Variants in SKI observed in about 807,000 individuals in gnomAD.
The protein encoded by SKI is ski oncogene.
In SKI, 23 loss-of-function variants were observed where a neutral mutation model predicts 59.3. The ratio of observed to expected loss-of-function variants is 0.39; its 90% CI spans 0.28 to 0.55. SKI has a LOEUF of 0.55. Among genes scored for constraint, SKI ranks in the 20% least tolerant of loss-of-function variants. SKI has a pLI of 0.67. For missense variants in SKI, 1,017 were observed against 1,038.9 expected, an observed-to-expected ratio of 0.98 and a Z score of 0.29; for synonymous variants, 673 against 488.6, an observed-to-expected ratio of 1.38 and a Z score of -4.98.
chr1:2,283,682 C>T (rs6678490), intron 1 of SKI, among the ~76,000 whole-genome samples: 26,305 of 152,186 alleles, frequency 0.17, 2,544 homozygotes, highest in African/African-American at 0.25. Flanking sequence ...AGCTGCCCCT[C>T]AAGTGCATGT....
At chr1:2,260,559 GAGAC>G (rs1639367892) in intron 1 of SKI, among the ~76,000 whole-genome samples, 1 of 7,760 alleles carries the variant, frequency 1.3e-4, no homozygotes, top group African/African-American at 5.1e-4. Context: ...TTTTTTTTTT[GAGAC>G]AGGGTGTGGT....
At chr1:2,234,863 C>T (rs1313969323) in intron 1 of SKI, among the ~76,000 whole-genome samples, 6 of 152,128 alleles carry the variant, frequency 3.9e-5, no homozygotes, top group African/African-American at 1.4e-4. Flanking sequence ...GGCCCCTGTC[C>T]TTATTCTTCA....
chr1:2,274,107 C>T (rs1396414673), intron 1 of SKI, among the ~76,000 whole-genome samples: 4 of 151,488 alleles, frequency 2.6e-5, no homozygotes, highest in Admixed American at 2.6e-4. Context: ...ACAGGCACCT[C>T]CAGGTAAGGG....
chr1:2,273,522 C>T (rs758287418), intron 1 of SKI, among the ~76,000 whole-genome samples: 4 of 152,194 alleles, frequency 2.6e-5, no homozygotes, highest in Non-Finnish European at 5.9e-5. Context: ...GGCCCTGCCT[C>T]TGTTACTGAG....
chr1:2,273,296 G>C (rs1286105388), intron 1 of SKI, among the ~76,000 whole-genome samples: 2 of 152,124 alleles, frequency 1.3e-5, no homozygotes, highest in Non-Finnish European at 2.9e-5. Flanking sequence ...CCCTGTCCTG[G>C]CCGGCCACTC....
At chr1:2,260,531 T>TTTTC (rs1416977825) in intron 1 of SKI, among the ~76,000 whole-genome samples, 21 of 122,382 alleles carry the variant, frequency 1.7e-4, no homozygotes, top group Non-Finnish European at 1.8e-4. Context: ...AGTTTGTTCT[T>TTTTC]TTTCTTTTTT....
At chr1:2,251,592 C>G (rs1471629149) in intron 1 of SKI, among the ~76,000 whole-genome samples, 4 of 152,154 alleles carry the variant, frequency 2.6e-5, no homozygotes, top group African/African-American at 9.7e-5. Flanking sequence ...CCTCCTTTCC[C>G]TGTAGAGCCC....
At position 2,304,475 on chromosome 1, in the gene SKI, C is replaced by G; in HGVS notation, c.1657C>G (p.Leu553Val). The G allele has an allele frequency of 6.3e-7, 1 of 1,574,944 alleles. No homozygotes were observed. The highest frequency in any genetic ancestry group is 2.4e-5 in the East Asian group (1 of 42,154). The change falls in exon 5 of 7, where the codon CTG (leucine) becomes GTG (valine). Residue 553 changes from leucine (L) to valine (V), a missense_variant. By Grantham distance (32) the Leu-to-Val change is conservative. Coordinates refer to ENST00000378536, the MANE Select transcript of SKI (RefSeq NM_003036.4). ...CCTGCGGCAGGCACTGGAGGGCGGC[C>G]TGGACACCAAGGAAGCCAAAGAGAA... ...EHLRQALEGGLDTKEAKEKFL... is the reference protein window; with the variant it reads ...EHLRQALEGGVDTKEAKEKFL...
chr1:2,282,853 C>T (rs1367831497), intron 1 of SKI, among the ~76,000 whole-genome samples: 3 of 152,240 alleles, frequency 2.0e-5, no homozygotes, highest in Non-Finnish European at 4.4e-5. Context: ...GGTTCTCAGC[C>T]TCCGACCTGT....
rs1445297648 is a variant in SKI at position 2,267,071 on chromosome 1, C to T, written c.970-35907C>T. Among the ~76,000 whole-genome samples the T allele has an allele frequency of 4.6e-5, 7 of 152,170 alleles. No homozygotes were observed. The highest frequency in any genetic ancestry group is 2.1e-4 in the South Asian group (1 of 4,826). ...GCAATAATTTTGGCTACATTAAATT[C>T]GTTTTGTTAACATCTTCATCACCGC... On this transcript the variant is annotated intron_variant, in intron 1 of 6. Coordinates refer to ENST00000378536, the MANE Select transcript of SKI (RefSeq NM_003036.4). The surrounding 1 kb of genome is among the most constrained non-coding windows in gnomAD (Gnocchi z 4.1).
intron 1 of SKI, among the ~76,000 whole-genome samples, chr1:2,297,944 G>GGCTGT (rs1640325195): frequency 6.6e-6 from 1 of 152,238 alleles, no homozygotes; most frequent in Non-Finnish European, 1.5e-5. Flanking sequence ...TTGCAGGGTG[G>GGCTGT]GCTGTGCTGT....
intron 1 of SKI, among the ~76,000 whole-genome samples, chr1:2,251,951 C>T (rs1168938912): frequency 6.6e-6 from 1 of 152,184 alleles, no homozygotes; most frequent in Non-Finnish European, 1.5e-5. Flanking sequence ...CCCCAGCTGT[C>T]ATGTCCGTTG....
chr1:2,299,221 C>T (rs770449249), intron 1 of SKI, among the ~76,000 whole-genome samples: 10 of 150,700 alleles, frequency 6.6e-5, no homozygotes, highest in African/African-American at 2.2e-4. Flanking sequence ...GGCATCAGCT[C>T]GGGGACCCGA....
At chr1:2,305,897 G>T in intron 5 of SKI, 123 bp from the exon 6 acceptor site, 1 of 801,868 alleles carries the variant, frequency 1.2e-6, no homozygotes, top group Non-Finnish European at 2.1e-6. Context: ...CGCGCTGGGG[G>T]CGGGGCTCCA....
intron 1 of SKI, among the ~76,000 whole-genome samples, chr1:2,260,141 A>G (rs936872993): frequency 2.0e-5 from 3 of 152,218 alleles, no homozygotes; most frequent in Non-Finnish European, 4.4e-5. Flanking sequence ...AGTGAGTGAG[A>G]GTTCCTGCTG....
At chr1:2,286,163 C>T (rs562235754) in intron 1 of SKI, among the ~76,000 whole-genome samples, 3 of 152,322 alleles carry the variant, frequency 2.0e-5, no homozygotes, top group East Asian at 1.9e-4. Context: ...TGGGCCACCA[C>T]GCCCAGCCTA....
chr1:2,276,506 C>G (rs978307121), intron 1 of SKI, among the ~76,000 whole-genome samples: 3 of 152,262 alleles, frequency 2.0e-5, no homozygotes, highest in Non-Finnish European at 4.4e-5. Flanking sequence ...GTAGGGCCCC[C>G]TGTCTGTGCC....
At chr1:2,298,540 C>A (rs1640345941) in intron 1 of SKI, among the ~76,000 whole-genome samples, 1 of 152,304 alleles carries the variant, frequency 6.6e-6, no homozygotes, top group African/African-American at 2.4e-5. Flanking sequence ...AGAGGCGGGA[C>A]CCTGCCCGGG....
chr1:2,290,269 A>AG (rs1318730529), intron 1 of SKI, among the ~76,000 whole-genome samples: 3 of 152,180 alleles, frequency 2.0e-5, no homozygotes, highest in Non-Finnish European at 4.4e-5. Context: ...GAGGGCCTCC[A>AG]GGGCACAGGC....
Sources: allele counts gnomAD v4.1 joint callset (sites outside exome capture counted in the v4.1 genomes callset), GRCh38; gene constraint gnomAD v4.1.1; non-coding constraint Gnocchi (gnomAD v3.1); transcripts MANE v1.5; gene names NCBI Gene and HGNC (gene_info 2026-07-23, HGNC 2026-07-21).